The following SYN3 variants were observed in gnomAD, a reference collection of about 807,000 sequenced individuals.
SYN3 encodes synapsin III, also known as synapsin-3.
Under a neutral mutation model 65.8 loss-of-function variants are expected in SYN3, and 35 were observed. That is an observed-to-expected ratio of 0.53 (90% CI 0.41 to 0.70). The LOEUF is 0.70. Ranked by LOEUF, SYN3 falls within the 30% of genes least tolerant of loss-of-function variation. SYN3 has a pLI of 0.00. For missense variants in SYN3, 680 were observed against 749.0 expected (o/e 0.91, Z 1.08); for synonymous variants, 270 against 292.9 (o/e 0.92, Z 0.80).
In SYN3 at chr22:32,609,063, A is replaced by G. The variant is rs1286339655; in HGVS notation, c.712-12327T>C. Reference sequence around the variant, plus strand: ...AATTGGGCCAGGCCTGGTGGCTCACACCTGTAATCCCAGCACTTTGGGAGG... The same window carrying G: ...AATTGGGCCAGGCCTGGTGGCTCACGCCTGTAATCCCAGCACTTTGGGAGG... On this transcript the variant is annotated intron_variant, in intron 6 of 13. Transcript: ENST00000358763. 3.3e-5 allele frequency among the ~76,000 whole-genome samples: 5 copies of G among 152,164 alleles called. No homozygotes were observed. The East Asian group carries it at 5.8e-4, about 18-fold the overall frequency.
intron 7 of SYN3, among the ~76,000 whole-genome samples, chr22:32,594,621 G>A (rs1281151754): frequency 6.6e-6 from 1 of 152,064 alleles, no homozygotes; most frequent in African/African-American, 2.4e-5. Flanking sequence ...CCAAGTAGCT[G>A]GAATTACAGG....
intron 6 of SYN3, among the ~76,000 whole-genome samples, chr22:32,634,110 G>C (rs2059782747): frequency 6.6e-6 from 1 of 152,194 alleles, no homozygotes; most frequent in Admixed American, 6.5e-5. Flanking sequence ...GTACTGCTCT[G>C]ATCACTTTAT....
intron 1 of SYN3, among the ~76,000 whole-genome samples, chr22:33,028,315 C>A (rs1249059783): frequency 6.6e-6 from 1 of 152,220 alleles, no homozygotes; most frequent in Non-Finnish European, 1.5e-5. Context: ...GGATTTATCA[C>A]AGCTCCTTCC....
At chr22:32,902,158 C>T (rs1200287197) in intron 4 of SYN3, among the ~76,000 whole-genome samples, 1 of 152,226 alleles carries the variant, frequency 6.6e-6, no homozygotes, top group African/African-American at 2.4e-5. Context: ...GTTCCCAACA[C>T]ACATTTATTT....
chr22:32,741,348 T>A (rs1175972783), intron 6 of SYN3, among the ~76,000 whole-genome samples: 3 of 64,022 alleles, frequency 4.7e-5, no homozygotes, highest in Non-Finnish European at 9.7e-5. Flanking sequence ...TAGAGCCCAA[T>A]TTTTTTTTTT....
intron 2 of SYN3, among the ~76,000 whole-genome samples, chr22:32,995,034 T>A (rs895222353): frequency 1.1e-4 from 17 of 152,236 alleles, no homozygotes; most frequent in African/African-American, 4.1e-4. Context: ...CAAGGTCACA[T>A]AACTGAGAAG....
chr22:32,702,809 A>G (rs1354808330), intron 6 of SYN3, among the ~76,000 whole-genome samples: 2 of 152,242 alleles, frequency 1.3e-5, no homozygotes, highest in Non-Finnish European at 2.9e-5. Context: ...GAAAAATTTT[A>G]TAAAATATTC....
chr22:32,856,062 A>G (rs2048354619), intron 6 of SYN3, among the ~76,000 whole-genome samples: 1 of 152,232 alleles, frequency 6.6e-6, no homozygotes, highest in Admixed American at 6.5e-5. Context: ...GAATTTCTAT[A>G]AAGTGGGGTT....
intron 6 of SYN3, chr22:32,859,326 C>G: frequency 6.2e-7 from 1 of 1,613,848 alleles, no homozygotes; most frequent in Non-Finnish European, 8.5e-7. Flanking sequence ...GCAGCTGGTA[C>G]CGAGGATGGG....
intron 6 of SYN3, among the ~76,000 whole-genome samples, chr22:32,697,362 G>A (rs560676033): frequency 6.6e-6 from 1 of 152,196 alleles, no homozygotes; most frequent in Non-Finnish European, 1.5e-5. Context: ...GACACATTAT[G>A]TAAGCAATTT....
chr22:32,922,596 T>C (rs1010440111), intron 4 of SYN3, among the ~76,000 whole-genome samples: 1 of 152,120 alleles, frequency 6.6e-6, no homozygotes, highest in Non-Finnish European at 1.5e-5. Flanking sequence ...GTCTCTCTGC[T>C]TGGCTGTGTG....
At position 32,603,591 on chromosome 22, in the gene SYN3, G is replaced by A. The variant is rs538939229; in HGVS notation, c.712-6855C>T. On this transcript the variant is annotated intron_variant, in intron 6 of 13. Transcript: ENST00000358763. ...ACAGCCCTTTGCCCGAAGCCAGACAGTGAAGACGGTGCTGCTGCCCTGTGG... is the reference window on the plus strand; with the variant it reads ...ACAGCCCTTTGCCCGAAGCCAGACAATGAAGACGGTGCTGCTGCCCTGTGG... Among the ~76,000 whole-genome samples, 32 of 150,912 alleles carry A rather than the reference G, an allele frequency of 2.1e-4. No individual in the cohort carries two copies. The East Asian group carries it at 4.7e-3, about 22-fold the overall frequency.
chr22:33,054,101 A>G (rs2054216431), intron 1 of SYN3, among the ~76,000 whole-genome samples: 1 of 152,156 alleles, frequency 6.6e-6, no homozygotes, highest in African/African-American at 2.4e-5. Flanking sequence ...AATAGTTATA[A>G]AGATCAAATT....
chr22:32,585,414 G>T (rs902402425), intron 7 of SYN3, among the ~76,000 whole-genome samples: 3 of 152,190 alleles, frequency 2.0e-5, no homozygotes, highest in Admixed American at 1.3e-4. Context: ...TGAAGCTTTA[G>T]ACTTTCTAAT....
chr22:32,908,209 C>T (rs1329859925), intron 4 of SYN3, among the ~76,000 whole-genome samples: 15 of 152,020 alleles, frequency 9.9e-5, no homozygotes, highest in Admixed American at 9.8e-4. Flanking sequence ...ACTCAGCCTC[C>T]TGAGTAGCTG....
At chr22:32,903,607 G>GTAGCC (rs1031976985) in intron 4 of SYN3, among the ~76,000 whole-genome samples, 6 of 152,182 alleles carry the variant, frequency 3.9e-5, no homozygotes, top group Admixed American at 3.9e-4. Context: ...GCTGGCTGCT[G>GTAGCC]TAGCCCCTCA....
intron 4 of SYN3, among the ~76,000 whole-genome samples, chr22:32,876,596 A>T (rs1325718832): frequency 1.4e-5 from 1 of 73,590 alleles, no homozygotes; most frequent in African/African-American, 5.7e-5. Flanking sequence ...CTGCATTGTT[A>T]AAAAAAAAAA....
At chr22:32,717,336 C>G (rs1031215540) in intron 6 of SYN3, among the ~76,000 whole-genome samples, 2 of 152,160 alleles carry the variant, frequency 1.3e-5, no homozygotes, top group African/African-American at 4.8e-5. Context: ...TAGATGAAGG[C>G]TGGAAGCCCT....
rs562485979 is a variant in SYN3 at position 32,984,736 on chromosome 22, C to T, written c.312-4034G>A. On this transcript the variant is annotated intron_variant, in intron 2 of 13. Coordinates refer to ENST00000358763, the MANE Select transcript of SYN3 (RefSeq NM_003490.4). ...CTTTCGTGGATTTAAAAATCACTTG[C>T]TTTTAAATCCAAGCTCCAAATTTAA... Among the ~76,000 whole-genome samples, 9 of 152,252 alleles carry T rather than the reference C, an allele frequency of 5.9e-5. No homozygotes were observed. In the East Asian group the frequency reaches 1.4e-3, roughly 23 times the overall value.
Sources: allele counts gnomAD v4.1 joint callset (sites outside exome capture counted in the v4.1 genomes callset), GRCh38; gene constraint gnomAD v4.1.1; transcripts MANE v1.5; gene names NCBI Gene and HGNC (gene_info 2026-07-23, HGNC 2026-07-21).